The following ZNF33A variants were observed in gnomAD, a reference collection of about 807,000 sequenced individuals.
ZNF33A encodes the protein brain my041 protein.
A neutral mutation model predicts 15.9 loss-of-function variants in ZNF33A; 9 were observed. The ratio of observed to expected loss-of-function variants is 0.57; its 90% CI spans 0.34 to 0.99. The LOEUF (loss-of-function observed/expected upper bound fraction) is 0.99. Among genes scored for constraint, ZNF33A ranks in the 50% least tolerant of loss-of-function variants. The pLI is 0.02. For missense variants in ZNF33A, 843 were observed against 941.6 expected (o/e 0.90, Z 1.37); for synonymous variants, 294 against 324.2 (o/e 0.91, Z 1.00).
chr10:38,013,563 AT>A (rs2064299284), intron 2 of ZNF33A, among the ~76,000 whole-genome samples: 1 of 150,850 alleles, frequency 6.6e-6, no homozygotes, highest in African/African-American at 2.4e-5. Context: ...GGTTAAAGTG[AT>A]TCTCCTGCCT....
At chr10:38,050,907 C>T (rs373728446) in intron 4 of ZNF33A, among the ~76,000 whole-genome samples, 15 of 152,268 alleles carry the variant, frequency 9.9e-5, no homozygotes, top group African/African-American at 3.6e-4. Context: ...TCCTAGAATT[C>T]TTTGGAGTGT....
chr10:38,011,555 A>G (rs1350153644), intron 1 of ZNF33A, among the ~76,000 whole-genome samples: 1 of 152,166 alleles, frequency 6.6e-6, no homozygotes, highest in African/African-American at 2.4e-5. Context: ...AGACTGGGCA[A>G]CAAGAGCGAA....
intron 4 of ZNF33A, among the ~76,000 whole-genome samples, chr10:38,039,879 C>T (rs1338065902): frequency 6.6e-6 from 1 of 151,298 alleles, no homozygotes; most frequent in Non-Finnish European, 1.5e-5. Flanking sequence ...AATTTTTACT[C>T]TATAATCTTT....
Position 38,056,703 on chromosome 10 carries a change from A to C in ZNF33A, c.*143A>C, listed in dbSNP as rs1037036404. 3.1e-4 allele frequency: 385 copies of C among 1,256,002 alleles called. 1 individual carries two copies. The highest frequency in any genetic ancestry group is 3.6e-4 in the Non-Finnish European group (364 of 1,000,118). The allele number at this position is 1,256,002 out of a possible 1,614,324, so 77.8% of individuals were successfully genotyped here. Reference sequence around the variant, plus strand: ...TTAATACGGGCATAACACCTTACAGATTTTTTTTGAATTTGTGAAAGTTTT... The same window carrying C: ...TTAATACGGGCATAACACCTTACAGCTTTTTTTTGAATTTGTGAAAGTTTT... On this transcript the variant is annotated 3_prime_UTR_variant, in exon 5 of 5. Transcript: ENST00000432900.
At chr10:38,020,148 T>A (rs1266623549) in intron 4 of ZNF33A, among the ~76,000 whole-genome samples, 1 of 152,174 alleles carries the variant, frequency 6.6e-6, no homozygotes, top group Admixed American at 6.5e-5. Flanking sequence ...AGAGCAATAT[T>A]TACCTTAAAT....
intron 4 of ZNF33A, among the ~76,000 whole-genome samples, chr10:38,026,370 T>G (rs921069315): frequency 1.3e-5 from 2 of 152,238 alleles, no homozygotes; most frequent in African/African-American, 4.8e-5. Context: ...AGTCTTACCC[T>G]GTCGCCCAGA....
intron 4 of ZNF33A, among the ~76,000 whole-genome samples, chr10:38,033,312 A>G (rs1434492593): frequency 6.6e-6 from 1 of 152,210 alleles, no homozygotes; most frequent in Non-Finnish European, 1.5e-5. Flanking sequence ...TGGCCATATA[A>G]CATGGTGTAT....
chr10:38,065,166 G>A (rs898638541), downstream of ZNF33A: 5 of 152,530 alleles, frequency 3.3e-5, no homozygotes, highest in Non-Finnish European at 7.3e-5. Context: ...CGCCTCCCAG[G>A]TTCAAACAAT....
chr10:38,021,425 G>GATTACTAGC (rs1261529414), intron 4 of ZNF33A, among the ~76,000 whole-genome samples: 278 of 142,008 alleles, frequency 2.0e-3, no homozygotes, highest in East Asian at 2.9e-3. Flanking sequence ...TACTAGCCAT[G>GATTACTAGC]AGGTCAGGAA....
chr10:38,030,645 G>C (rs1299103286), intron 4 of ZNF33A, among the ~76,000 whole-genome samples: 1 of 152,154 alleles, frequency 6.6e-6, no homozygotes, highest in Non-Finnish European at 1.5e-5. Context: ...GGCTCCTAAG[G>C]AGATCTAAAT....
chr10:38,037,780 G>T (rs184306888), intron 4 of ZNF33A, among the ~76,000 whole-genome samples: 119 of 152,142 alleles, frequency 7.8e-4, no homozygotes, highest in Admixed American at 1.4e-3. Context: ...TAATTTTGTA[G>T]CAAATTTTCA....
In ZNF33A at chr10:38,054,413, G is replaced by A. The variant is rs574173953; in HGVS notation, c.289G>A (p.Glu97Lys). 55 of 1,591,956 alleles carry A rather than the reference G, an allele frequency of 3.5e-5. 1 individual carries two copies. In the East Asian group the frequency reaches 1.2e-3, roughly 34 times the overall value. Residue 97 changes from glutamate to lysine, a missense_variant, in exon 5 of 5, where the codon GAA (glutamate) becomes AAA (lysine). By Grantham distance (56) the Glu-to-Lys change is moderately conservative (BLOSUM62 1). Transcript: ENST00000432900. ...TGATCACCTGAAAGAGAGGAGCCAA[G>A]AAAACCAATCTAAACATTTGTGGGA... ...TADHLKERSQ[E>K]NQSKHLWEVV...
Position 38,058,093 on chromosome 10 carries a change from T to C in ZNF33A, c.*1533T>C, listed in dbSNP as rs1399064304. On this transcript the variant is annotated 3_prime_UTR_variant, in exon 5 of 5. Transcript: ENST00000432900. The stretch of plus-strand genomic sequence containing the variant: ...ACACAAGTAATCTAAGCTTCCACTT[T>C]AGGAAACTAGAAAAAGAAGAGCAAA... The C allele has an allele frequency of 9.3e-6, 9 of 965,758 alleles. No individual in the cohort carries two copies. The Admixed American group carries it at 3.7e-4, about 40-fold the overall frequency. 59.8% of individuals were successfully genotyped at this position (965,758 alleles called of 1,614,324 possible).
downstream of ZNF33A, among the ~76,000 whole-genome samples, chr10:38,066,922 ACT>A (rs1012553969): frequency 2.2e-4 from 34 of 152,198 alleles, no homozygotes; most frequent in African/African-American, 7.7e-4. Flanking sequence ...ATAGAGTGAG[ACT>A]CTGTCTCAAA....
chr10:38,056,076 C>A lies in ZNF33A; in HGVS notation c.1952C>A (p.Ala651Asp), dbSNP rs140840593. 1.2e-6 allele frequency: 2 copies of A among 1,614,028 alleles called. No individual in the cohort carries two copies. The highest frequency in any genetic ancestry group is 2.7e-5 in the African/African-American group (2 of 75,008). The change falls in exon 5 of 5, where the codon GCT (alanine) becomes GAT (aspartate). Residue 651 changes from alanine (A) to aspartate (D), a missense_variant. Coordinates refer to ENST00000432900, the MANE Select transcript of ZNF33A (RefSeq NM_006954.2). The stretch of plus-strand genomic sequence containing the variant: ...GGAAAAGCTTTCTGCCATAAGTCAG[C>A]TCTAATTGTACATCAGAGAACCCAT... ...ECGKAFCHKS[A>D]LIVHQRTHTQ...
chr10:38,014,278 C>T (rs146973099), intron 2 of ZNF33A, among the ~76,000 whole-genome samples: 6,376 of 152,078 alleles, frequency 0.042, 196 homozygotes, highest in Middle Eastern at 0.078. Context: ...TCAAGTGATC[C>T]GCCTGCCTTG....
chr10:38,028,491 A>G (rs776309016), intron 4 of ZNF33A, among the ~76,000 whole-genome samples: 19 of 151,384 alleles, frequency 1.3e-4, no homozygotes, highest in South Asian at 4.2e-4. Flanking sequence ...TTTCGAGACA[A>G]AAGTCTTGCT....
chr10:38,043,893 G>A (rs955616593), intron 4 of ZNF33A: 1 of 146,696 alleles, frequency 6.8e-6, no homozygotes, highest in African/African-American at 2.5e-5. Flanking sequence ...AACACTTCAT[G>A]AACTTGTGTG....
rs199914873 is a variant in ZNF33A, at chr10:38,054,392, C to G, written c.268C>G (p.His90Asp). The G allele has an allele frequency of 3.7e-5, 58 of 1,565,358 alleles. 1 individual carries two copies. Among genetic ancestry groups the G allele is most frequent in the Non-Finnish European group, 1.4e-5 (16 of 1,160,682 alleles). Residue 90 changes from histidine to aspartate, a missense_variant, in exon 5 of 5, where the codon CAC (histidine) becomes GAC (aspartate). By Grantham distance (81) the His-to-Asp change is moderately conservative. Transcript: ENST00000432900. ...QSFPEVWTADHLKERSQENQS... is the reference protein window; with the variant it reads ...QSFPEVWTADDLKERSQENQS... ...GTTTCTAGAAGTCTGGACAGCTGAT[C>G]ACCTGAAAGAGAGGAGCCAAGAAAA...
Sources: allele counts gnomAD v4.1 joint callset (sites outside exome capture counted in the v4.1 genomes callset), GRCh38; gene constraint gnomAD v4.1.1; transcripts MANE v1.5; gene names NCBI Gene and HGNC (gene_info 2026-07-23, HGNC 2026-07-21).